Variants in PCDHGA11 observed in about 807,000 individuals in gnomAD.
PCDHGA11 encodes protocadherin gamma subfamily A, 11, also known as protocadherin gamma-A11.
Under a neutral mutation model 60.4 loss-of-function variants are expected in PCDHGA11, and 39 were observed. The ratio of observed to expected loss-of-function variants is 0.65; its 90% confidence interval spans 0.50 to 0.84. The LOEUF (loss-of-function observed/expected upper bound fraction) is 0.84. PCDHGA11 is among the 40% of genes least tolerant of loss of function. The pLI is 0.00. For missense variants in PCDHGA11, 1,165 were observed against 1,197.7 expected, an observed-to-expected ratio of 0.97 and a Z score of 0.40; for synonymous variants, 533 against 510.3, an observed-to-expected ratio of 1.04 and a Z score of -0.60.
chr5:141,438,700 AC>A (rs2098052453), intron 1 of PCDHGA11, among the ~76,000 whole-genome samples: 1 of 144,406 alleles, frequency 6.9e-6, no homozygotes, highest in Non-Finnish European at 1.5e-5. Context: ...TTGCTCTGTC[AC>A]CCAGGCTGGA....
chr5:141,482,767 A>AGCTAGTACTATAATTATTTTTATTAGTTC (rs1370824281), intron 1 of PCDHGA11, among the ~76,000 whole-genome samples: 2 of 150,588 alleles, frequency 1.3e-5, no homozygotes, highest in African/African-American at 2.5e-5. Context: ...TTTCATTATC[A>AGCTAGTACTATAATTATTTTTATTAGTTC]CTGAACCTTA....
At position 141,421,219 on chromosome 5, in the gene PCDHGA11, G is replaced by T. The variant is rs894586889; in HGVS notation, c.-9G>T. ...CGAGAAACCGCGGAATATCGGCTTA[G>T]AGCCTGCCATGGCGAATCGGCTACA... is the stretch of plus-strand genomic sequence containing the variant. On this transcript the variant is annotated 5_prime_UTR_variant, in exon 1 of 4. Transcript: ENST00000398587. The T allele has an allele frequency of 1.0e-5, 16 of 1,573,208 alleles. No individual in the cohort carries two copies. Among genetic ancestry groups the T allele is most frequent in the Non-Finnish European group, 1.3e-5 (15 of 1,162,362 alleles).
At chr5:141,433,332 T>C (rs1344429296) in intron 1 of PCDHGA11, 7 of 694,580 alleles carry the variant, frequency 1.0e-5, no homozygotes, top group Non-Finnish European at 1.7e-5. Context: ...TAACAGGGAC[T>C]ACAGGTGCAA....
chr5:141,451,812 C>G (rs974567828), intron 1 of PCDHGA11, among the ~76,000 whole-genome samples: 1 of 149,686 alleles, frequency 6.7e-6, no homozygotes, highest in Non-Finnish European at 1.5e-5. Flanking sequence ...ACCCAGGAGG[C>G]GGAGGTTACA....
In PCDHGA11 at chr5:141,431,317, C is replaced by G; in HGVS notation, c.2433+7657C>G. 2 of 1,614,082 alleles carry G rather than the reference C, an allele frequency of 1.2e-6. No homozygotes were observed. The highest frequency in any genetic ancestry group is 1.7e-6 in the Non-Finnish European group (2 of 1,180,038). On this transcript the variant is annotated intron_variant, in intron 1 of 3. Transcript: ENST00000398587. The surrounding 1 kb of genome is among the most constrained non-coding windows in gnomAD (Gnocchi z 4.8). ...TCTCCCTCATCGTGCAAAATGGAGC[C>G]GACGGTAGTAAGTACCCCGAATTGG...
intron 1 of PCDHGA11, among the ~76,000 whole-genome samples, chr5:141,470,729 G>T (rs1253040487): frequency 6.6e-6 from 1 of 152,102 alleles, no homozygotes; most frequent in Non-Finnish European, 1.5e-5. Context: ...TCAGGGTCTT[G>T]CTCTGTCGCC....
At position 141,476,387 on chromosome 5, in the gene PCDHGA11, C is replaced by A. The variant is rs147660262; in HGVS notation, c.2434-18420C>A. ...GACCGGAGAGATGTTTGTGAACGAC[C>A]GTCTGGATCGAGAGGAGCTGTGTGG... is the stretch of plus-strand genomic sequence containing the variant. On this transcript the variant is annotated intron_variant, in intron 1 of 3. Transcript: ENST00000398587. The surrounding 1 kb of genome is among the most constrained non-coding windows in gnomAD (Gnocchi z 7.6). 1.2e-6 allele frequency: 2 copies of A among 1,614,076 alleles called. No individual in the cohort carries two copies. Among genetic ancestry groups the A allele is most frequent in the Non-Finnish European group, 8.5e-7 (1 of 1,180,024 alleles).
intron 1 of PCDHGA11, among the ~76,000 whole-genome samples, chr5:141,463,209 A>G (rs1189251811): frequency 6.6e-6 from 1 of 152,140 alleles, no homozygotes; most frequent in African/African-American, 2.4e-5. Flanking sequence ...TTGGGGATCC[A>G]TATTAATATT....
Position 141,485,094 on chromosome 5 carries a change from C to A in PCDHGA11, c.2434-9713C>A. ...GGCGCGGGGAAAGGGAGATAGGTGT[C>A]TCCAGCTGCTGTGGCTGTTTGGGGC... On this transcript the variant is annotated intron_variant, in intron 1 of 3. Coordinates refer to ENST00000398587, the MANE Select transcript of PCDHGA11 (RefSeq NM_018914.3). The surrounding 1 kb of genome is among the most constrained non-coding windows in gnomAD (Gnocchi z 5.7). 9.1e-7 allele frequency: 1 copy of A among 1,100,766 alleles called. No individual in the cohort carries two copies. Among genetic ancestry groups the A allele is most frequent in the Non-Finnish European group, 1.4e-6 (1 of 736,922 alleles). The allele number at this position is 1,100,766 out of a possible 1,614,324, so 68.2% of individuals were successfully genotyped here. A position where few individuals can be genotyped will look rare whatever the true frequency, so the allele number is the denominator to read the frequency against.
intron 1 of PCDHGA11, chr5:141,424,083 C>T (rs2096798692): frequency 4.2e-6 from 4 of 957,190 alleles, no homozygotes; most frequent in Non-Finnish European, 5.1e-6. Flanking sequence ...TATATTCCAC[C>T]ATTATTTGCT....
chr5:141,500,318 C>T (rs1005060282), intron 2 of PCDHGA11, among the ~76,000 whole-genome samples: 3 of 151,948 alleles, frequency 2.0e-5, no homozygotes, highest in African/African-American at 7.3e-5. Context: ...ACGCCATGCT[C>T]CTGCCTCAGC....
rs1308930168 is a variant in PCDHGA11, at chr5:141,489,620, A to G, written c.2434-5187A>G. 2.5e-6 allele frequency: 4 copies of G among 1,614,058 alleles called. No individual in the cohort carries two copies. Among genetic ancestry groups the G allele is most frequent in the South Asian group, 2.2e-5 (2 of 91,072 alleles). The stretch of plus-strand genomic sequence containing the variant: ...GTAGAGGTAGAGATCCTGGATCTCA[A>G]TGACAACTCTCCTAGCTTTGCCACC... On this transcript the variant is annotated intron_variant, in intron 1 of 3. Transcript: ENST00000398587. This position sits in a 1 kb window ranked among gnomAD's most constrained non-coding sequence, Gnocchi z 4.5.
intron 1 of PCDHGA11, among the ~76,000 whole-genome samples, chr5:141,444,558 T>C (rs2098440789): frequency 6.6e-6 from 1 of 152,190 alleles, no homozygotes; most frequent in African/African-American, 2.4e-5. Context: ...AAGGCACTTA[T>C]TTGACACTTT....
At chr5:141,498,346 C>T (rs780832000) in intron 2 of PCDHGA11, among the ~76,000 whole-genome samples, 1 of 150,796 alleles carries the variant, frequency 6.6e-6, no homozygotes, top group Non-Finnish European at 1.5e-5. Context: ...ATGGGAAAAG[C>T]CTATGCAAAA....
Position 141,489,552 on chromosome 5 carries a change from G to T in PCDHGA11, c.2434-5255G>T, listed in dbSNP as rs2099688780. ...GTGGAGCCAGCACCAGCTGCCTGCTGCCAGTGCAGGTGGTGACTGAACACC... is the reference window on the plus strand; with the variant it reads ...GTGGAGCCAGCACCAGCTGCCTGCTTCCAGTGCAGGTGGTGACTGAACACC... On this transcript the variant is annotated intron_variant, in intron 1 of 3. Coordinates refer to ENST00000398587, the MANE Select transcript of PCDHGA11 (RefSeq NM_018914.3). The surrounding 1 kb of genome is among the most constrained non-coding windows in gnomAD (Gnocchi z 4.5). The T allele has an allele frequency of 6.2e-7, 1 of 1,613,988 alleles. No homozygotes were observed. The highest frequency in any genetic ancestry group is 1.7e-5 in the Admixed American group (1 of 60,000).
At position 141,490,543 on chromosome 5, in the gene PCDHGA11, C is replaced by T; in HGVS notation, c.2434-4264C>T. 2 of 1,614,188 alleles carry T rather than the reference C, an allele frequency of 1.2e-6. No homozygotes were observed. Among genetic ancestry groups the T allele is most frequent in the Non-Finnish European group, 8.5e-7 (1 of 1,180,024 alleles). On this transcript the variant is annotated intron_variant, in intron 1 of 3. Transcript: ENST00000398587. The surrounding 1 kb of genome is among the most constrained non-coding windows in gnomAD (Gnocchi z 5.4). ...CAGCGATGCTGGTTCACCTTCCCTA[C>T]ACAAACATCTCACCATCAGGCTCAA...
In PCDHGA11 at chr5:141,477,073, G is replaced by A. The variant is rs755445666; in HGVS notation, c.2434-17734G>A. The A allele has an allele frequency of 1.2e-6, 2 of 1,614,264 alleles. No homozygotes were observed. The highest frequency in any genetic ancestry group is 2.2e-5 in the East Asian group (1 of 44,882). On this transcript the variant is annotated intron_variant, in intron 1 of 3. Coordinates refer to ENST00000398587, the MANE Select transcript of PCDHGA11 (RefSeq NM_018914.3). This position sits in a 1 kb window ranked among gnomAD's most constrained non-coding sequence, Gnocchi z 4.9. ...ACTTCGAGGACACCAAACTCCATGA[G>A]ATTTACATCCAGGCCAAAGACAAGG...
chr5:141,441,823 C>A (rs538052540), intron 1 of PCDHGA11: 6 of 357,336 alleles, frequency 1.7e-5, no homozygotes, highest in South Asian at 7.1e-5. Flanking sequence ...AGCTCTGGAG[C>A]GCAATGGCTT....
intron 1 of PCDHGA11, among the ~76,000 whole-genome samples, chr5:141,484,740 G>GA (rs1047805396): frequency 2.0e-5 from 3 of 150,646 alleles, no homozygotes; most frequent in Admixed American, 1.3e-4. Context: ...GGTGTGTTAG[G>GA]AAAAAAAATG....
Sources: gnomAD v4.1 joint callset for allele counts (sites outside exome capture counted in the v4.1 genomes callset) on GRCh38, gnomAD v4.1.1 for gene constraint, Gnocchi (gnomAD v3.1) non-coding constraint, MANE v1.5 for transcripts, NCBI Gene and HGNC (gene_info 2026-07-23, HGNC 2026-07-21) for gene names.